NETO2: variants seen among roughly 807,000 people sequenced by gnomAD.
NETO2 encodes the protein neuropilin and tolloid-like protein 2.
In NETO2, 28 loss-of-function variants were observed where a neutral mutation model predicts 62.5. The ratio of observed to expected loss-of-function variants is 0.45; its 90% CI spans 0.33 to 0.61. The LOEUF (loss-of-function observed/expected upper bound fraction) is 0.61. Among genes scored for constraint, NETO2 ranks in the 20% least tolerant of loss-of-function variants. The pLI is 0.02. For synonymous variants in NETO2, 214 were observed against 219.1 expected (o/e 0.98, Z 0.21); for missense variants, 548 against 643.2 (o/e 0.85, Z 1.60).
intron 6 of NETO2, among the ~76,000 whole-genome samples, chr16:47,115,957 A>C (rs906408301): frequency 1.3e-5 from 2 of 151,600 alleles, no homozygotes; most frequent in Non-Finnish European, 2.9e-5. Context: ...GATGCTATGG[A>C]AATTTTTATA....
At chr16:47,097,677 G>A (rs1264282522) in intron 7 of NETO2, among the ~76,000 whole-genome samples, 1 of 152,176 alleles carries the variant, frequency 6.6e-6, no homozygotes, top group South Asian at 2.1e-4. Flanking sequence ...GCTCTCCTAA[G>A]GGACATACTG....
At position 47,078,783 on chromosome 16, in the gene NETO2, C is replaced by T. The variant is rs555110224; in HGVS notation, c.*4438G>A. On this transcript the variant is annotated 3_prime_UTR_variant, in exon 9 of 9. Coordinates refer to ENST00000562435, the MANE Select transcript of NETO2 (RefSeq NM_018092.5). Reference sequence around the variant, plus strand: ...GGAGCTCTTCCTGCCTAGTATCGAGCCTGTATACTGTTAACAAACATTGCT... The same window carrying T: ...GGAGCTCTTCCTGCCTAGTATCGAGTCTGTATACTGTTAACAAACATTGCT... 6.6e-6 allele frequency: 1 copy of T among 152,168 alleles called. No homozygotes were observed. The highest frequency in any genetic ancestry group is 1.5e-5 in the Non-Finnish European group (1 of 68,040). 9.4% of individuals were successfully genotyped at this position (152,168 alleles called of 1,614,324 possible). A position where few individuals can be genotyped will look rare whatever the true frequency, so the allele number is the denominator to read the frequency against.
intron 7 of NETO2, among the ~76,000 whole-genome samples, chr16:47,096,364 T>G (rs988701531): frequency 6.6e-6 from 1 of 152,160 alleles, no homozygotes; most frequent in African/African-American, 2.4e-5. Flanking sequence ...ACCCAAAACT[T>G]GATTCTTTGG....
intron 6 of NETO2, among the ~76,000 whole-genome samples, chr16:47,110,319 C>T (rs1002270442): frequency 6.6e-6 from 1 of 152,186 alleles, no homozygotes; most frequent in African/African-American, 2.4e-5. Context: ...ACTGTACTAT[C>T]AAAGGAAGCT....
chr16:47,143,230 T>A (rs928343712), intron 1 of NETO2, among the ~76,000 whole-genome samples: 1 of 152,048 alleles, frequency 6.6e-6, no homozygotes, highest in Non-Finnish European at 1.5e-5. Flanking sequence ...TCTCACAACT[T>A]TGCAAAGGGA....
chr16:47,136,907 T>C (rs1200003386), intron 1 of NETO2, among the ~76,000 whole-genome samples: 1 of 152,092 alleles, frequency 6.6e-6, no homozygotes, highest in Non-Finnish European at 1.5e-5. Context: ...CTTCATTTAC[T>C]AACGACAGAC....
chr16:47,109,639 CAT>C lies in NETO2; in HGVS notation c.725_726del (p.Tyr242Ter). On this transcript the variant is annotated frameshift_variant, in exon 7 of 9. Coordinates refer to ENST00000562435, the MANE Select transcript of NETO2 (RefSeq NM_018092.5). LOFTEE classifies it high-confidence loss of function. ...NECKRNFVAVYDGSSSIENLK... is the reference protein window; with the variant it reads ...NECKRNFVAVXDGSSSIENLK... ...AGGTTTTCAATAGAACTGCTTCCAT[CAT>C]AGACTGCAACGAAGTTTCTCTTGCA... 6.2e-7 allele frequency: 1 copy of C among 1,614,154 alleles called. No individual in the cohort carries two copies. The highest frequency in any genetic ancestry group is 1.7e-5 in the Admixed American group (1 of 60,016).
chr16:47,086,059 T>C (rs1596698190), intron 8 of NETO2, among the ~76,000 whole-genome samples, 167 bp downstream of exon 8: 2 of 152,290 alleles, frequency 1.3e-5, no homozygotes, highest in Non-Finnish European at 1.5e-5. Flanking sequence ...TGAGCCGAGA[T>C]TGTGCCACTG....
At chr16:47,138,273 G>A (rs900063684) in intron 1 of NETO2, among the ~76,000 whole-genome samples, 2 of 152,142 alleles carry the variant, frequency 1.3e-5, no homozygotes, top group Admixed American at 6.5e-5. Flanking sequence ...GGTGGCACAC[G>A]CCTGTAGTCC....
At position 47,101,483 on chromosome 16, in the gene NETO2, G is replaced by A. The variant is rs192567208; in HGVS notation, c.883+8000C>T. Among the ~76,000 whole-genome samples the A allele has an allele frequency of 3.7e-4, 56 of 152,262 alleles. 1 individual carries two copies. Among genetic ancestry groups the A allele is most frequent in the South Asian group, 2.1e-4 (1 of 4,824 alleles). ...TAAAGTGTATTCAAACAGGAAGACC[G>A]GAAGTTAAATTGTCTCTGTTTGCAG... On this transcript the variant is annotated intron_variant, in intron 7 of 8. Coordinates refer to ENST00000562435, the MANE Select transcript of NETO2 (RefSeq NM_018092.5).
At chr16:47,091,548 G>C (rs1596703239) in intron 7 of NETO2, among the ~76,000 whole-genome samples, 1 of 152,162 alleles carries the variant, frequency 6.6e-6, no homozygotes. Context: ...CAACATATCA[G>C]TGCAGAAAGA....
chr16:47,095,122 T>C (rs1187385558), intron 7 of NETO2, among the ~76,000 whole-genome samples: 1 of 152,156 alleles, frequency 6.6e-6, no homozygotes, highest in East Asian at 1.9e-4. Flanking sequence ...TCCCACATGC[T>C]TACCAAATAG....
chr16:47,119,231 A>C (rs1226268006), intron 6 of NETO2, among the ~76,000 whole-genome samples: 4 of 150,196 alleles, frequency 2.7e-5, no homozygotes, highest in Non-Finnish European at 5.9e-5. Flanking sequence ...AGCTCACTGC[A>C]AGCTCCGCCT....
At chr16:47,122,568 A>C (rs1964062800) in intron 6 of NETO2, 89 bp downstream of exon 6, 2 of 1,449,958 alleles carry the variant, frequency 1.4e-6, no homozygotes, top group South Asian at 2.7e-5. Context: ...TGTAGTCAAT[A>C]AATATTTACA....
At chr16:47,129,602 C>T (rs931523015) in intron 2 of NETO2, among the ~76,000 whole-genome samples, 1 of 152,132 alleles carries the variant, frequency 6.6e-6, no homozygotes, top group African/African-American at 2.4e-5. Flanking sequence ...GGCTTATAGG[C>T]ACTTAACAAA....
intron 1 of NETO2, among the ~76,000 whole-genome samples, chr16:47,133,341 T>C (rs1442121547): frequency 1.3e-5 from 2 of 150,588 alleles, no homozygotes; most frequent in Non-Finnish European, 3.0e-5. Context: ...CTTGGGAGGC[T>C]GAGGCGAGAG....
intron 7 of NETO2, among the ~76,000 whole-genome samples, chr16:47,096,812 T>C (rs1373437159): frequency 6.6e-6 from 1 of 152,162 alleles, no homozygotes; most frequent in Non-Finnish European, 1.5e-5. Context: ...AGGCAGGTGA[T>C]TTCTGCATTT....
At chr16:47,132,296 T>C (rs1449895996) in intron 1 of NETO2, among the ~76,000 whole-genome samples, 2 of 151,702 alleles carry the variant, frequency 1.3e-5, no homozygotes, top group Non-Finnish European at 2.9e-5. Context: ...TTAATAGTTT[T>C]GTTTAAAAAA....
chr16:47,094,921 G>A (rs1331780622), intron 7 of NETO2, among the ~76,000 whole-genome samples: 1 of 152,094 alleles, frequency 6.6e-6, no homozygotes, highest in East Asian at 1.9e-4. Flanking sequence ...GGCTAGGCAG[G>A]CTGGTCTCAA....
Sources: allele counts gnomAD v4.1 joint callset (sites outside exome capture counted in the v4.1 genomes callset), GRCh38; gene constraint gnomAD v4.1.1; transcripts MANE v1.5; gene names NCBI Gene and HGNC (gene_info 2026-07-23, HGNC 2026-07-21).